The following LY86 variants were observed in gnomAD, a reference collection of about 807,000 sequenced individuals.
LY86 encodes lymphocyte antigen 86, also known as MD-1, RP105-associated.
A neutral mutation model predicts 17.3 loss-of-function variants in LY86; 20 were observed. The observed-to-expected ratio is 1.15, with a 90% CI of 0.81 to 1.68. The LOEUF (loss-of-function observed/expected upper bound fraction) is 1.68, where lower values mean the gene tolerates loss of function less well. Among genes scored for constraint, LY86 ranks in the 40% most tolerant of loss-of-function variants. The pLI is 0.00. For synonymous variants in LY86, 74 were observed against 70.6 expected (o/e 1.05, Z -0.24); for missense variants, 200 against 191.9 (o/e 1.04, Z -0.25).
At chr6:6,602,778 G>T (rs1447885728) in intron 1 of LY86, among the ~76,000 whole-genome samples, 10 of 152,170 alleles carry the variant, frequency 6.6e-5, no homozygotes, top group Non-Finnish European at 1.3e-4. Context: ...GTTGAGAGCT[G>T]TTCCTGTAGG....
At chr6:6,605,676 T>TA (rs1241671444) in intron 1 of LY86, among the ~76,000 whole-genome samples, 1 of 152,244 alleles carries the variant, frequency 6.6e-6, no homozygotes, top group Non-Finnish European at 1.5e-5. Context: ...TGATGGGTTC[T>TA]TCATCTCACG....
chr6:6,600,875 C>A (rs372422250), intron 1 of LY86, among the ~76,000 whole-genome samples: 11 of 152,210 alleles, frequency 7.2e-5, no homozygotes, highest in East Asian at 5.8e-4. Context: ...AAATTCTAGA[C>A]TGACCTACAC....
intron 1 of LY86, among the ~76,000 whole-genome samples, chr6:6,608,408 G>C (rs577521871): frequency 6.6e-6 from 1 of 152,128 alleles, no homozygotes; most frequent in Non-Finnish European, 1.5e-5. Context: ...ATCATTATAC[G>C]TATCGACTAC....
rs73722103 is a variant in LY86, at chr6:6,592,327, C to G, written c.136+3457C>G. On this transcript the variant is annotated intron_variant, in intron 1 of 4. Transcript: ENST00000230568. ...ACTAAAGCAAAAGGAGGAGCAAACA[C>G]AGTCAGGGCCTTGGGTTTGCTAAAT... Among the ~76,000 whole-genome samples, 406 of 152,326 alleles carry G rather than the reference C, an allele frequency of 2.7e-3. 1 individual carries two copies. The highest frequency in any genetic ancestry group is 9.2e-3 in the African/African-American group (384 of 41,564).
At chr6:6,627,205 C>T (rs1327706057) in intron 3 of LY86, among the ~76,000 whole-genome samples, 2 of 152,224 alleles carry the variant, frequency 1.3e-5, no homozygotes, top group Non-Finnish European at 2.9e-5. Context: ...AGGGCATACC[C>T]CCAATACACC....
intron 1 of LY86, among the ~76,000 whole-genome samples, chr6:6,614,533 A>G (rs1434314275): frequency 1.3e-5 from 2 of 151,768 alleles, no homozygotes; most frequent in African/African-American, 4.8e-5. Context: ...CACGCCGCCC[A>G]CTCACATCTG....
At chr6:6,639,979 C>T (rs929312256) in intron 3 of LY86, among the ~76,000 whole-genome samples, 1 of 152,224 alleles carries the variant, frequency 6.6e-6, no homozygotes, top group African/African-American at 2.4e-5. Context: ...CTGAGAACTT[C>T]ACAGATAATG....
At chr6:6,640,478 A>C (rs1762023998) in intron 3 of LY86, among the ~76,000 whole-genome samples, 1 of 152,106 alleles carries the variant, frequency 6.6e-6, no homozygotes, top group African/African-American at 2.4e-5. Flanking sequence ...CAGCAGCTAC[A>C]GAGGCTGCGG....
chr6:6,618,093 G>A (rs12199095), intron 1 of LY86, among the ~76,000 whole-genome samples: 49,211 of 152,046 alleles, frequency 0.32, 8,111 homozygotes, highest in Middle Eastern at 0.45. Context: ...CATCTGCCTC[G>A]GCCTCCCAAA....
intron 1 of LY86, among the ~76,000 whole-genome samples, chr6:6,612,395 A>C (rs143052523): frequency 2.0e-5 from 3 of 152,182 alleles, no homozygotes; most frequent in Non-Finnish European, 2.9e-5. Flanking sequence ...ATTTTCCCCC[A>C]GTGGGTACCT....
At chr6:6,642,853 T>C (rs1269870066) in intron 3 of LY86, among the ~76,000 whole-genome samples, 1 of 152,232 alleles carries the variant, frequency 6.6e-6, no homozygotes, top group African/African-American at 2.4e-5. Flanking sequence ...AACGAAGCCA[T>C]GCACTCCCTC....
intron 1 of LY86, among the ~76,000 whole-genome samples, chr6:6,603,874 G>GA (rs1370394820): frequency 6.6e-6 from 1 of 151,722 alleles, no homozygotes; most frequent in African/African-American, 2.4e-5. Flanking sequence ...AAAAGAAACA[G>GA]AAAAAAGCAG....
intron 1 of LY86, among the ~76,000 whole-genome samples, chr6:6,604,957 A>G (rs1345184782): frequency 1.3e-5 from 2 of 152,128 alleles, no homozygotes; most frequent in Non-Finnish European, 2.9e-5. Flanking sequence ...AGAACCTAGA[A>G]TTCTATATAC....
intron 1 of LY86, among the ~76,000 whole-genome samples, chr6:6,612,564 C>T (rs902392283): frequency 3.3e-5 from 5 of 152,190 alleles, no homozygotes; most frequent in East Asian, 3.9e-4. Flanking sequence ...CCAGTTGTCA[C>T]TAGTGGAGCC....
In LY86 at chr6:6,654,628, C is replaced by T; in HGVS notation, c.*1C>T. On this transcript the variant is annotated 3_prime_UTR_variant, in exon 5 of 5. Coordinates refer to ENST00000230568, the MANE Select transcript of LY86 (RefSeq NM_004271.4). ...CAATGCTACTATCATGTGCTCCTGACTGTGGCCTGTAGCAAAAATCACAGC... is the reference window on the plus strand; with the variant it reads ...CAATGCTACTATCATGTGCTCCTGATTGTGGCCTGTAGCAAAAATCACAGC... The T allele has an allele frequency of 6.2e-7, 1 of 1,613,860 alleles. No individual in the cohort carries two copies. Among genetic ancestry groups the T allele is most frequent in the South Asian group, 1.1e-5 (1 of 91,046 alleles).
chr6:6,652,296 G>T (rs1762199841), intron 4 of LY86, among the ~76,000 whole-genome samples: 1 of 152,082 alleles, frequency 6.6e-6, no homozygotes, highest in Non-Finnish European at 1.5e-5. Context: ...GGCCCGCAAT[G>T]CACGGAGGCT....
chr6:6,624,776 A>G (rs1761753849), intron 1 of LY86, 150 bp from the exon 2 acceptor site: 2 of 548,600 alleles, frequency 3.6e-6, no homozygotes, highest in Admixed American at 3.8e-5. Context: ...AGCTGATGAA[A>G]ATATCATGGG....
chr6:6,637,466 G>A (rs896325915), intron 3 of LY86, among the ~76,000 whole-genome samples: 13 of 152,174 alleles, frequency 8.5e-5, no homozygotes, highest in African/African-American at 3.1e-4. Context: ...GACTAAGGAT[G>A]ACCTAGGACC....
At chr6:6,605,744 G>A (rs1487286960) in intron 1 of LY86, among the ~76,000 whole-genome samples, 1 of 152,222 alleles carries the variant, frequency 6.6e-6, no homozygotes, top group Non-Finnish European at 1.5e-5. Context: ...TTAAAAGGCA[G>A]TGTGTCCAGA....
Sources: allele counts gnomAD v4.1 joint callset (sites outside exome capture counted in the v4.1 genomes callset), GRCh38; gene constraint gnomAD v4.1.1; transcripts MANE v1.5; gene names NCBI Gene and HGNC (gene_info 2026-07-23, HGNC 2026-07-21).